Variants in CENPN observed in about 807,000 individuals in gnomAD.
CENPN encodes centromere protein N, also known as interphase centromere complex protein 32.
A neutral mutation model predicts 48.6 loss-of-function variants in CENPN; 36 were observed. That is an observed-to-expected ratio of 0.74 (90% CI 0.57 to 0.98). The LOEUF (loss-of-function observed/expected upper bound fraction) is 0.98. Among genes scored for constraint, CENPN ranks in the 50% least tolerant of loss-of-function variants. The probability of loss-of-function intolerance (pLI) is 0.00; values close to 1 mark genes in which losing one functional copy is unlikely to be tolerated. For synonymous variants in CENPN, 166 were observed against 135.2 expected, an observed-to-expected ratio of 1.23 and a Z score of -1.58; for missense variants, 439 against 399.2, an observed-to-expected ratio of 1.10 and a Z score of -0.85.
rs12932924 is a variant in CENPN, at chr16:81,030,503, C to T, written c.*1852C>T. The T allele has an allele frequency of 8.8e-6, 6 of 679,724 alleles. No individual in the cohort carries two copies. The highest frequency in any genetic ancestry group is 1.1e-5 in the Non-Finnish European group (6 of 550,848). 42.1% of individuals were successfully genotyped at this position (679,724 alleles called of 1,614,324 possible). On this transcript the variant is annotated 3_prime_UTR_variant, in exon 11 of 11. Coordinates refer to ENST00000305850, the MANE Select transcript of CENPN (RefSeq NM_001100624.3). ...GTGGCTCACGCCTGTAATCCTAGCA[C>T]TTTGGGAAGCCGAGGTGGGCAGATC... is the stretch of plus-strand genomic sequence containing the variant.
chr16:81,028,311 T>C lies in CENPN; in HGVS notation c.937+14T>C. ...TAGCACCAGCGGGTGAGTGGTCAGC[T>C]TACTCTATAAGCTAGAAAAATTAAC... On this transcript the variant is annotated intron_variant, in intron 10 of 10. Transcript: ENST00000305850. 1 of 1,613,642 alleles carries C rather than the reference T, an allele frequency of 6.2e-7. No individual in the cohort carries two copies. The highest frequency in any genetic ancestry group is 2.2e-5 in the East Asian group (1 of 44,868).
At chr16:81,032,828 A>G (rs570720290), downstream of CENPN, 192 of 1,004,502 alleles carry the variant, frequency 1.9e-4, 1 homozygote, top group African/African-American at 1.8e-3. Flanking sequence ...AATTTGACCA[A>G]TCTTGGAAGC....
chr16:81,028,708 A>C lies in CENPN; in HGVS notation c.*57A>C, dbSNP rs1422480905. 2 of 1,576,142 alleles carry C rather than the reference A, an allele frequency of 1.3e-6. No homozygotes were observed. The highest frequency in any genetic ancestry group is 1.7e-6 in the Non-Finnish European group (2 of 1,167,672). ...CTTCTTGATATTGCACATGCACTTC[A>C]GTTCATGGCTAGCTGTATAGCTTCC... On this transcript the variant is annotated 3_prime_UTR_variant, in exon 11 of 11. Coordinates refer to ENST00000305850, the MANE Select transcript of CENPN (RefSeq NM_001100624.3).
intron 3 of CENPN, among the ~76,000 whole-genome samples, chr16:81,016,012 A>G (rs910503342): frequency 2.2e-4 from 33 of 151,886 alleles, no homozygotes; most frequent in Admixed American, 1.2e-3. Context: ...TCAAAAAAAA[A>G]AAGGAAAAAG....
At chr16:81,023,326 CT>C (rs1970300353) in intron 7 of CENPN, 1 of 160,202 alleles carries the variant, frequency 6.2e-6, no homozygotes, top group Non-Finnish European at 1.4e-5. Flanking sequence ...GTATTTTCAT[CT>C]GTTCTAAGCA....
intron 7 of CENPN, chr16:81,023,598 A>G (rs1445354684): frequency 6.6e-6 from 1 of 152,116 alleles, no homozygotes; most frequent in Non-Finnish European, 1.5e-5. Context: ...ATCCCCTCCT[A>G]CCTACTACCC....
chr16:81,014,218 C>T (rs772006356), intron 3 of CENPN, 37 bp downstream of exon 3: 2 of 1,580,002 alleles, frequency 1.3e-6, no homozygotes, highest in East Asian at 4.5e-5. Context: ...CTTAACCAAT[C>T]AGTTTATTAG....
chr16:81,030,376 C>G lies in CENPN; in HGVS notation c.*1725C>G. 1.0e-6 allele frequency: 1 copy of G among 985,118 alleles called. No individual in the cohort carries two copies. The highest frequency in any genetic ancestry group is 1.2e-6 in the Non-Finnish European group (1 of 829,772). The allele number at this position is 985,118 out of a possible 1,614,324, so 61.0% of individuals were successfully genotyped here. A position where few individuals can be genotyped will look rare whatever the true frequency, so the allele number is the denominator to read the frequency against. On this transcript the variant is annotated 3_prime_UTR_variant, in exon 11 of 11. Coordinates refer to ENST00000305850, the MANE Select transcript of CENPN (RefSeq NM_001100624.3). ...CAGGAGGTTTCTCCTAGTGTACTCTCACACTTCTGATACCAGATATGTGGG... is the reference window on the plus strand; with the variant it reads ...CAGGAGGTTTCTCCTAGTGTACTCTGACACTTCTGATACCAGATATGTGGG...
chr16:81,025,451 T>C (rs142588692), intron 8 of CENPN, among the ~76,000 whole-genome samples: 182 of 152,362 alleles, frequency 1.2e-3, no homozygotes, highest in African/African-American at 4.2e-3. Context: ...GCCACTGTTA[T>C]AAACTAAACA....
chr16:81,028,179 G>A lies in CENPN; in HGVS notation c.819G>A (p.Thr273=), dbSNP rs751529357. Residue 273 remains threonine (T), a synonymous_variant, in exon 10 of 11, where the codon ACG becomes ACA. Coordinates refer to ENST00000305850, the MANE Select transcript of CENPN (RefSeq NM_001100624.3). ...QLEFAQYKLE[T]KFKSGLNGSI... is the part of the protein sequence containing the mutation. ...TAAATGTTTGTTGACAGCTTGAAAC[G>A]AAATTCAAAAGTGGTTTAAATGGGA... 20 of 1,609,916 alleles carry A rather than the reference G, an allele frequency of 1.2e-5. No homozygotes were observed. The highest frequency in any genetic ancestry group is 1.2e-4 in the African/African-American group (9 of 74,846).
chr16:81,012,496 A>T (rs2549879), intron 2 of CENPN, among the ~76,000 whole-genome samples: 1 of 152,184 alleles, frequency 6.6e-6, no homozygotes, highest in East Asian at 1.9e-4. Context: ...TTAATTGCTT[A>T]TTGTTTTAAA....
rs902414790 is a variant in CENPN at position 81,022,692 on chromosome 16, T to C, written c.627T>C (p.Tyr209=). The change falls in exon 7 of 11, where the codon TAT becomes TAC. Residue 209 remains tyrosine, a synonymous_variant. Coordinates refer to ENST00000305850, the MANE Select transcript of CENPN (RefSeq NM_001100624.3). ...DSLKAIVFKQ[Y]NQTFETHNST... Reference sequence around the variant, plus strand: ...TTAAGGCTATTGTTTTTAAACAGTATAATCAGGTGAGCCAATCAGTGACTC... The same window carrying C: ...TTAAGGCTATTGTTTTTAAACAGTACAATCAGGTGAGCCAATCAGTGACTC... 20 of 1,613,982 alleles carry C rather than the reference T, an allele frequency of 1.2e-5. No homozygotes were observed. The highest frequency in any genetic ancestry group is 1.7e-5 in the Non-Finnish European group (20 of 1,179,980).
chr16:81,012,451 G>A (rs972556106), intron 2 of CENPN, among the ~76,000 whole-genome samples: 1 of 152,148 alleles, frequency 6.6e-6, no homozygotes, highest in Admixed American at 6.5e-5. Flanking sequence ...AACTTGTAAG[G>A]AAAGAGACTC....
At chr16:81,019,441 C>T (rs981379738) in intron 5 of CENPN, among the ~76,000 whole-genome samples, 45 of 151,214 alleles carry the variant, frequency 3.0e-4, no homozygotes, top group African/African-American at 1.1e-3. Context: ...GGTCTCAAAA[C>T]TCCTGGGCTC....
At chr16:81,032,657 T>G, downstream of CENPN, 1 of 1,611,842 alleles carries the variant, frequency 6.2e-7, no homozygotes, top group Non-Finnish European at 8.5e-7. Context: ...CAGAAGGACT[T>G]GTACCTTCTG....
chr16:81,018,053 G>A (rs2151687113), intron 5 of CENPN, among the ~76,000 whole-genome samples: 1 of 152,208 alleles, frequency 6.6e-6, no homozygotes, highest in South Asian at 2.1e-4. Flanking sequence ...TTCCAGAGGA[G>A]CTCAGTCCAA....
At chr16:81,013,752 G>C (rs1969834403) in intron 2 of CENPN, among the ~76,000 whole-genome samples, 2 of 152,204 alleles carry the variant, frequency 1.3e-5, no homozygotes, top group Non-Finnish European at 2.9e-5. Flanking sequence ...GAAAATCTGG[G>C]AGGCAGTGCT....
intron 7 of CENPN, chr16:81,023,770 C>G (rs2151701307): frequency 6.6e-6 from 1 of 152,194 alleles, no homozygotes; most frequent in Middle Eastern, 3.4e-3. Flanking sequence ...AAACCCGTCT[C>G]TACAAAAAAT....
In CENPN at chr16:81,031,414, G is replaced by C. The variant is rs1970771630; in HGVS notation, c.*2763G>C. On this transcript the variant is annotated 3_prime_UTR_variant, in exon 11 of 11. Transcript: ENST00000305850. ...TCTACCCTCTCTCTTCAGAACACAA[G>C]TGGCTTCTAGCTGAATCTGTCTCCC... The C allele has an allele frequency of 6.6e-6, 1 of 152,124 alleles. No homozygotes were observed. Among genetic ancestry groups the C allele is most frequent in the Admixed American group, 6.5e-5 (1 of 15,268 alleles). 9.4% of individuals were successfully genotyped at this position (152,124 alleles called of 1,614,324 possible).
Sources: gnomAD v4.1 joint callset for allele counts (sites outside exome capture counted in the v4.1 genomes callset) on GRCh38, gnomAD v4.1.1 for gene constraint, MANE v1.5 for transcripts, NCBI Gene and HGNC (gene_info 2026-07-23, HGNC 2026-07-21) for gene names.